ZNF385B: variants seen among roughly 807,000 people sequenced by gnomAD.
The protein encoded by ZNF385B is zinc finger protein 533.
ZNF385B carries 23 observed loss-of-function variants against 39.2 expected under a neutral mutation model. The observed-to-expected ratio is 0.59, with a 90% CI of 0.42 to 0.83. The LOEUF is 0.83. Ranked by LOEUF, ZNF385B falls within the 40% of genes least tolerant of loss-of-function variation. The probability of loss-of-function intolerance (pLI) is 0.00; values close to 1 mark genes in which losing one functional copy is unlikely to be tolerated. For synonymous variants in ZNF385B, 205 were observed against 222.6 expected, an observed-to-expected ratio of 0.92 and a Z score of 0.70; for missense variants, 552 against 598.9, an observed-to-expected ratio of 0.92 and a Z score of 0.82.
At chr2:179,516,775 A>G (rs1190836093) in intron 5 of ZNF385B, among the ~76,000 whole-genome samples, 1 of 152,120 alleles carries the variant, frequency 6.6e-6, no homozygotes, top group East Asian at 1.9e-4. Context: ...AGTCCAATAT[A>G]TCAATATTCA....
intron 6 of ZNF385B, among the ~76,000 whole-genome samples, chr2:179,449,431 A>G (rs1459518465): frequency 6.6e-6 from 1 of 152,166 alleles, no homozygotes; most frequent in Non-Finnish European, 1.5e-5. Flanking sequence ...ATGTGCAAAA[A>G]TCACAAGCAT....
At chr2:179,800,904 A>G (rs866958502) in intron 1 of ZNF385B, among the ~76,000 whole-genome samples, 1 of 152,104 alleles carries the variant, frequency 6.6e-6, no homozygotes, top group Non-Finnish European at 1.5e-5. Flanking sequence ...CATAACTACA[A>G]TGTTATTTCA....
At chr2:179,691,062 T>G (rs1212956111) in intron 3 of ZNF385B, among the ~76,000 whole-genome samples, 1 of 152,192 alleles carries the variant, frequency 6.6e-6, no homozygotes, top group Non-Finnish European at 1.5e-5. Flanking sequence ...TGTTTCCCTT[T>G]GGTGAAAAAT....
chr2:179,567,741 C>A (rs777224387), intron 3 of ZNF385B, among the ~76,000 whole-genome samples: 11 of 152,206 alleles, frequency 7.2e-5, no homozygotes, highest in Non-Finnish European at 1.3e-4. Flanking sequence ...ATTTGTGATT[C>A]TTTGATTCCT....
At chr2:179,854,630 A>G (rs1455007266) in intron 1 of ZNF385B, among the ~76,000 whole-genome samples, 2 of 152,136 alleles carry the variant, frequency 1.3e-5, no homozygotes, top group Non-Finnish European at 2.9e-5. Context: ...TATTTACTAC[A>G]CTATCCGTCA....
intron 3 of ZNF385B, among the ~76,000 whole-genome samples, chr2:179,559,990 A>T (rs185564819): frequency 1.2e-4 from 18 of 152,024 alleles, no homozygotes; most frequent in South Asian, 4.2e-4. Context: ...TTGACATTTT[A>T]AAAAAGTCTA....
intron 3 of ZNF385B, among the ~76,000 whole-genome samples, chr2:179,571,835 C>T (rs1201467463): frequency 1.3e-5 from 2 of 152,034 alleles, no homozygotes; most frequent in Non-Finnish European, 2.9e-5. Context: ...CATATTCCTA[C>T]CCAGTTCGTA....
At chr2:179,853,864 T>C (rs977623908) in intron 1 of ZNF385B, among the ~76,000 whole-genome samples, 5 of 152,172 alleles carry the variant, frequency 3.3e-5, no homozygotes, top group Admixed American at 6.5e-5. Flanking sequence ...GTCACACAAC[T>C]AATAAATAGA....
intron 3 of ZNF385B, among the ~76,000 whole-genome samples, chr2:179,645,843 G>A (rs941941225): frequency 2.6e-5 from 4 of 152,346 alleles, no homozygotes; most frequent in African/African-American, 7.2e-5. Flanking sequence ...TGGGGATAAC[G>A]AAGGGCAGGC....
At chr2:179,829,615 G>A in intron 1 of ZNF385B, among the ~76,000 whole-genome samples, 1 of 152,068 alleles carries the variant, frequency 6.6e-6, no homozygotes, top group Non-Finnish European at 1.5e-5. Flanking sequence ...CTGGGTTCAG[G>A]CCACTCTCCT....
At chr2:179,638,835 G>A (rs974800901) in intron 3 of ZNF385B, among the ~76,000 whole-genome samples, 7 of 152,150 alleles carry the variant, frequency 4.6e-5, no homozygotes, top group Non-Finnish European at 7.3e-5. Flanking sequence ...AAAGAAACAA[G>A]CCAACTCAGA....
chr2:179,634,468 G>A (rs1472786694), intron 3 of ZNF385B, among the ~76,000 whole-genome samples: 1 of 152,158 alleles, frequency 6.6e-6, no homozygotes, highest in African/African-American at 2.4e-5. Context: ...ATCATCACTG[G>A]TCATCAGAGA....
intron 3 of ZNF385B, among the ~76,000 whole-genome samples, chr2:179,689,969 T>A (rs1052372948): frequency 1.3e-5 from 2 of 152,160 alleles, no homozygotes; most frequent in Non-Finnish European, 2.9e-5. Flanking sequence ...TCTAGTAACG[T>A]CAGAGTCTAG....
In ZNF385B at chr2:179,789,350, T is replaced by C. The variant is rs761651344; in HGVS notation, c.-154-18678A>G. Among the ~76,000 whole-genome samples, 3 of 152,182 alleles carry C rather than the reference T, an allele frequency of 2.0e-5. No homozygotes were observed. The East Asian group carries it at 5.8e-4, about 29-fold the overall frequency. On this transcript the variant is annotated intron_variant, in intron 1 of 9. Coordinates refer to ENST00000410066, the MANE Select transcript of ZNF385B (RefSeq NM_152520.6). ...AAACTTTGAGAAAGAACAGCATGCA[T>C]AGAATTTGTTCAGCCACTGAAACAA...
chr2:179,725,896 ATG>A (rs747035777), intron 3 of ZNF385B, among the ~76,000 whole-genome samples: 67 of 136,526 alleles, frequency 4.9e-4, no homozygotes, highest in Non-Finnish European at 7.2e-4. Flanking sequence ...ATATGAATAT[ATG>A]TGTTTGTGTG....
chr2:179,791,609 C>T (rs918792843), intron 1 of ZNF385B, among the ~76,000 whole-genome samples: 2 of 152,140 alleles, frequency 1.3e-5, no homozygotes, highest in African/African-American at 4.8e-5. Context: ...AAAACCTCAG[C>T]AATCAAGATA....
At chr2:179,723,180 A>T (rs1348943313) in intron 3 of ZNF385B, among the ~76,000 whole-genome samples, 2 of 152,298 alleles carry the variant, frequency 1.3e-5, no homozygotes, top group South Asian at 2.1e-4. Context: ...ATAATAATTG[A>T]CTATTTACAA....
In ZNF385B at chr2:179,600,415, G is replaced by A. The variant is rs897356264; in HGVS notation, c.299-55446C>T. 4.1e-4 allele frequency among the ~76,000 whole-genome samples: 63 copies of A among 152,202 alleles called. 1 individual carries two copies. Among genetic ancestry groups the A allele is most frequent in the African/African-American group, 1.5e-3 (63 of 41,464 alleles). On this transcript the variant is annotated intron_variant, in intron 3 of 9. Transcript: ENST00000410066. ...ACAAATGTAAGTTGGATGCTGACAA[G>A]TTTGACAATAAAGTGAATTACTTCT...
intron 1 of ZNF385B, among the ~76,000 whole-genome samples, chr2:179,817,871 A>G (rs1238658798): frequency 6.6e-6 from 1 of 152,194 alleles, no homozygotes; most frequent in Non-Finnish European, 1.5e-5. Flanking sequence ...GTTCATGCGC[A>G]TACGCAATTT....
Sources: allele counts gnomAD v4.1 joint callset (sites outside exome capture counted in the v4.1 genomes callset), GRCh38; gene constraint gnomAD v4.1.1; transcripts MANE v1.5; gene names NCBI Gene and HGNC (gene_info 2026-07-23, HGNC 2026-07-21).